BAIAP2L1: variants seen among roughly 807,000 people sequenced by gnomAD.
BAIAP2L1 encodes the protein BAR/IMD domain containing adaptor protein 2 like 1, also known as BAR/IMD domain-containing adapter protein 2-like 1.
A neutral mutation model predicts 66.3 loss-of-function variants in BAIAP2L1; 35 were observed. That is an observed-to-expected ratio of 0.53 (90% CI 0.40 to 0.70). BAIAP2L1 has a LOEUF of 0.70. Ranked by LOEUF, BAIAP2L1 falls within the 30% of genes least tolerant of loss-of-function variation. The probability of loss-of-function intolerance (pLI) is 0.00; values close to 1 mark genes in which losing one functional copy is unlikely to be tolerated. For missense variants in BAIAP2L1, 622 were observed against 656.9 expected (o/e 0.95, Z 0.58); for synonymous variants, 269 against 248.7 (o/e 1.08, Z -0.77).
chr7:98,386,627 A>G, intron 1 of BAIAP2L1: 1 of 1,426,180 alleles, frequency 7.0e-7, no homozygotes, highest in Admixed American at 2.1e-5. Context: ...ACATTTCTAC[A>G]ATGTTCTTTC....
At chr7:98,348,894 A>G (rs1312369891) in intron 3 of BAIAP2L1, among the ~76,000 whole-genome samples, 8 of 152,244 alleles carry the variant, frequency 5.3e-5, no homozygotes. Context: ...ACTCCCGAGC[A>G]TCTCTTAGGT....
At position 98,292,937 on chromosome 7, in the gene BAIAP2L1, TA is replaced by T; in HGVS notation, c.*583del. On this transcript the variant is annotated 3_prime_UTR_variant, in exon 14 of 14. Transcript: ENST00000005260. ...GGGCAGGCAAAGCGTCTTAGCACTC[TA>T]CAGCTCTGGCGTGGTTGGAGGGAGG... The T allele has an allele frequency of 1.5e-6, 2 of 1,315,426 alleles. No individual in the cohort carries two copies. The highest frequency in any genetic ancestry group is 1.9e-6 in the Non-Finnish European group (2 of 1,032,710). The allele number at this position is 1,315,426 out of a possible 1,614,324, so 81.5% of individuals were successfully genotyped here.
chr7:98,374,082 G>A (rs922823314), intron 1 of BAIAP2L1, among the ~76,000 whole-genome samples: 4 of 152,022 alleles, frequency 2.6e-5, no homozygotes, highest in Non-Finnish European at 4.4e-5. Context: ...CCTCCGAGTA[G>A]GTGGGACTAC....
intron 5 of BAIAP2L1, among the ~76,000 whole-genome samples, chr7:98,318,409 C>G (rs1448148463): frequency 4.0e-5 from 6 of 151,888 alleles, no homozygotes; most frequent in Admixed American, 1.3e-4. Flanking sequence ...GTGCCTCAGC[C>G]TCTCCAGTAG....
chr7:98,350,382 G>A (rs915834134), intron 3 of BAIAP2L1, among the ~76,000 whole-genome samples: 2 of 152,106 alleles, frequency 1.3e-5, no homozygotes, highest in African/African-American at 4.8e-5. Context: ...AGAAGGCTGG[G>A]CACAGTGGCT....
intron 1 of BAIAP2L1, among the ~76,000 whole-genome samples, chr7:98,387,663 C>A (rs561716987): frequency 6.6e-6 from 1 of 151,494 alleles, no homozygotes; most frequent in Admixed American, 6.6e-5. Flanking sequence ...AGTTCGAGAC[C>A]AGCCTGGCCA....
Position 98,328,123 on chromosome 7 carries a change from A to G in BAIAP2L1, c.215-7825T>C, listed in dbSNP as rs560857679. Among the ~76,000 whole-genome samples the G allele has an allele frequency of 2.3e-3, 348 of 152,154 alleles. 1 individual carries two copies. The highest frequency in any genetic ancestry group is 3.5e-3 in the Non-Finnish European group (237 of 68,018). ...TGCTCAAAAGACATTGATTTTTTTC[A>G]TACTAAAAAGTCAGAAGCGACTGCT... On this transcript the variant is annotated intron_variant, in intron 3 of 13. Transcript: ENST00000005260.
chr7:98,318,682 C>T (rs370787032), intron 5 of BAIAP2L1, among the ~76,000 whole-genome samples: 3 of 151,714 alleles, frequency 2.0e-5, no homozygotes, highest in South Asian at 2.1e-4. Flanking sequence ...TGGTGGCTCA[C>T]GCCTCTAATC....
At position 98,293,420 on chromosome 7, in the gene BAIAP2L1, T is replaced by G. The variant is rs1290283754; in HGVS notation, c.*101A>C. 1.8e-6 allele frequency: 2 copies of G among 1,098,692 alleles called. No homozygotes were observed. Among genetic ancestry groups the G allele is most frequent in the African/African-American group, 3.0e-5 (2 of 65,950 alleles). The allele number at this position is 1,098,692 out of a possible 1,614,324, so 68.1% of individuals were successfully genotyped here. On this transcript the variant is annotated 3_prime_UTR_variant, in exon 14 of 14. Coordinates refer to ENST00000005260, the MANE Select transcript of BAIAP2L1 (RefSeq NM_018842.5). Reference sequence around the variant, plus strand: ...GCAGGCGACATTAGAGTTAGGCCTCTCCACTGAAGCTTCCCGACCGTCAGC... The same window carrying G: ...GCAGGCGACATTAGAGTTAGGCCTCGCCACTGAAGCTTCCCGACCGTCAGC...
intron 3 of BAIAP2L1, among the ~76,000 whole-genome samples, chr7:98,349,597 G>A (rs77191343): frequency 0.027 from 4,119 of 152,172 alleles, 84 homozygotes; most frequent in Non-Finnish European, 0.042. Context: ...GTCAGCCTGG[G>A]TGCAGTGGTT....
intron 1 of BAIAP2L1, chr7:98,400,477 A>C: frequency 9.1e-6 from 3 of 329,356 alleles, no homozygotes; most frequent in Non-Finnish European, 1.6e-5. Context: ...GGGAGGAGGG[A>C]GAGTGAACGG....
chr7:98,364,090 G>A (rs189213425), intron 1 of BAIAP2L1, among the ~76,000 whole-genome samples: 4 of 151,926 alleles, frequency 2.6e-5, no homozygotes, highest in African/African-American at 7.2e-5. Context: ...AGCAGATGAG[G>A]CCTCAGGTCT....
intron 3 of BAIAP2L1, among the ~76,000 whole-genome samples, chr7:98,353,067 C>T (rs887376850): frequency 2.0e-5 from 3 of 151,884 alleles, no homozygotes; most frequent in Admixed American, 1.3e-4. Flanking sequence ...CGGCAGCCTC[C>T]GTATTTTATT....
Position 98,310,541 on chromosome 7 carries a change from C to T in BAIAP2L1, c.859G>A (p.Ala287Thr), listed in dbSNP as rs759987237. 32 of 1,594,632 alleles carry T rather than the reference C, an allele frequency of 2.0e-5. No individual in the cohort carries two copies. The highest frequency in any genetic ancestry group is 6.8e-5 in the African/African-American group (5 of 73,670). Reference sequence around the variant, plus strand: ...CTGGTATATGCTCTGCCTGAAGGAGCGGGGGGCATCTTTGGTGAGCATTTA... The same window carrying T: ...CTGGTATATGCTCTGCCTGAAGGAGTGGGGGGCATCTTTGGTGAGCATTTA... The part of the protein sequence containing the change: ...LSKCSPKMPP[A>T]PSGRAYTSPL... The change falls in exon 9 of 14, where the codon GCT becomes ACT. Residue 287 changes from alanine to threonine, a missense_variant. Coordinates refer to ENST00000005260, the MANE Select transcript of BAIAP2L1 (RefSeq NM_018842.5).
chr7:98,357,283 T>G (rs978493748), intron 2 of BAIAP2L1, among the ~76,000 whole-genome samples: 1 of 150,360 alleles, frequency 6.7e-6, no homozygotes, highest in Non-Finnish European at 1.5e-5. Context: ...AGTTAAAAAT[T>G]TATAGCCAGG....
At chr7:98,342,971 A>T (rs556501146) in intron 3 of BAIAP2L1, among the ~76,000 whole-genome samples, 31 of 151,846 alleles carry the variant, frequency 2.0e-4, no homozygotes, top group African/African-American at 7.5e-4. Flanking sequence ...ATGAAGGATT[A>T]ACCTTTATCA....
At chr7:98,321,408 C>T (rs1801241624) in intron 3 of BAIAP2L1, among the ~76,000 whole-genome samples, 1 of 152,144 alleles carries the variant, frequency 6.6e-6, no homozygotes, top group Non-Finnish European at 1.5e-5. Context: ...CAGGGGAACC[C>T]GCAGCAGGAA....
At chr7:98,356,273 G>A (rs778109268) in intron 2 of BAIAP2L1, among the ~76,000 whole-genome samples, 1 of 152,148 alleles carries the variant, frequency 6.6e-6, no homozygotes, top group African/African-American at 2.4e-5. Flanking sequence ...TGAGGGTATT[G>A]AAGATGTATG....
At chr7:98,333,848 A>T (rs1295266465) in intron 3 of BAIAP2L1, among the ~76,000 whole-genome samples, 1 of 149,204 alleles carries the variant, frequency 6.7e-6, no homozygotes, top group African/African-American at 2.5e-5. Flanking sequence ...CGGCTCCACG[A>T]TGGTGCCAAG....
Sources: gnomAD v4.1 joint callset for allele counts (sites outside exome capture counted in the v4.1 genomes callset) on GRCh38, gnomAD v4.1.1 for gene constraint, MANE v1.5 for transcripts, NCBI Gene and HGNC (gene_info 2026-07-23, HGNC 2026-07-21) for gene names.